SGCD: variants seen among roughly 807,000 people sequenced by gnomAD.
SGCD encodes sarcoglycan delta, also known as delta-sarcoglycan.
A neutral mutation model predicts 36.6 loss-of-function variants in SGCD; 18 were observed. That is an observed-to-expected ratio of 0.49 (90% CI 0.34 to 0.73). The LOEUF (loss-of-function observed/expected upper bound fraction) is 0.73, where lower values mean the gene tolerates loss of function less well. Among genes scored for constraint, SGCD ranks in the 30% least tolerant of loss-of-function variants. The probability of loss-of-function intolerance (pLI) is 0.01; values close to 1 mark genes in which losing one functional copy is unlikely to be tolerated. For missense variants in SGCD, 387 were observed against 346.7 expected (o/e 1.12, Z -0.92); for synonymous variants, 133 against 130.6 (o/e 1.02, Z -0.12).
chr5:155,768,838 C>T, the SGCD span, among the ~76,000 whole-genome samples: 1 of 152,092 alleles, frequency 6.6e-6, no homozygotes, highest in African/African-American at 2.4e-5. Flanking sequence ...AGGGTATGTC[C>T]TCGATGTCCT....
At chr5:155,890,285 G>A (rs961938194) in intron 1 of SGCD, among the ~76,000 whole-genome samples, 2 of 152,076 alleles carry the variant, frequency 1.3e-5, no homozygotes, top group African/African-American at 4.8e-5. Flanking sequence ...AAGCCTTAAG[G>A]GAAAAGAAAT....
chr5:156,123,733 A>C (rs1383659585), intron 2 of SGCD: 3 of 152,124 alleles, frequency 2.0e-5, no homozygotes, highest in Admixed American at 6.5e-5. Context: ...CAATTTTATG[A>C]CAAACAGAAT....
chr5:156,670,373 A>C (rs1284484851), intron 7 of SGCD, among the ~76,000 whole-genome samples: 1 of 152,210 alleles, frequency 6.6e-6, no homozygotes, highest in African/African-American at 2.4e-5. Flanking sequence ...CTTGATTAAA[A>C]TGTCAGCCAC....
At chr5:156,631,575 G>C (rs1762636061) in intron 6 of SGCD, among the ~76,000 whole-genome samples, 1 of 150,288 alleles carries the variant, frequency 6.7e-6, no homozygotes, top group Non-Finnish European at 1.5e-5. Context: ...TGTAGGGATA[G>C]AGGAAAAAAC....
At chr5:156,194,828 T>G (rs1763984903) in intron 3 of SGCD, among the ~76,000 whole-genome samples, 1 of 152,138 alleles carries the variant, frequency 6.6e-6, no homozygotes, top group Non-Finnish European at 1.5e-5. Flanking sequence ...ATGGCTCAGT[T>G]TCCTAATAGC....
At chr5:155,848,486 C>G in the SGCD span, among the ~76,000 whole-genome samples, 2 of 152,308 alleles carry the variant, frequency 1.3e-5, no homozygotes, top group South Asian at 2.1e-4. Context: ...GCTGCATTCT[C>G]TCTTCCAAAT....
intron 1 of SGCD, among the ~76,000 whole-genome samples, chr5:155,872,312 G>A (rs565724649): frequency 6.6e-6 from 1 of 150,814 alleles, no homozygotes; most frequent in East Asian, 2.0e-4. Context: ...CAATGCTCAG[G>A]ACACAATGCC....
chr5:156,178,864 C>T (rs1296755791), intron 3 of SGCD, among the ~76,000 whole-genome samples: 1 of 152,152 alleles, frequency 6.6e-6, no homozygotes, highest in Non-Finnish European at 1.5e-5. Flanking sequence ...CCGCGCCCAG[C>T]CTGAATGTAT....
chr5:156,504,392 G>GTATGTATATATATATA (rs1756602189), intron 3 of SGCD, among the ~76,000 whole-genome samples: 2 of 75,072 alleles, frequency 2.7e-5, no homozygotes, highest in African/African-American at 7.7e-5. Context: ...GTGTGTGTGT[G>GTATGTATATATATATA]TATATATATA....
At chr5:156,054,029 A>AG (rs1759991770) in intron 1 of SGCD, among the ~76,000 whole-genome samples, 1 of 145,804 alleles carries the variant, frequency 6.9e-6, no homozygotes, top group Admixed American at 6.9e-5. Context: ...AGTGTGAACC[A>AG]GGTTCCGATA....
intron 3 of SGCD, among the ~76,000 whole-genome samples, chr5:156,368,236 G>A (rs1289660768): frequency 2.0e-5 from 3 of 151,732 alleles, no homozygotes; most frequent in Admixed American, 6.6e-5. Flanking sequence ...GATTACAGGC[G>A]CCTGCCACCA....
the SGCD span, among the ~76,000 whole-genome samples, chr5:155,853,523 A>C: frequency 6.6e-6 from 1 of 152,182 alleles, no homozygotes; most frequent in Non-Finnish European, 1.5e-5. Flanking sequence ...AAAAACATTT[A>C]TTCTCAATTT....
chr5:155,927,412 C>T (rs1757013423), intron 1 of SGCD, among the ~76,000 whole-genome samples: 1 of 152,032 alleles, frequency 6.6e-6, no homozygotes, highest in Non-Finnish European at 1.5e-5. Context: ...AGAACACACA[C>T]CATGGAGAAC....
At chr5:156,417,978 A>G (rs1773130150) in intron 3 of SGCD, among the ~76,000 whole-genome samples, 1 of 152,124 alleles carries the variant, frequency 6.6e-6, no homozygotes, top group South Asian at 2.1e-4. Flanking sequence ...AATATTCAAG[A>G]TGGTTTGGGT....
At chr5:155,862,665 C>A in the SGCD span, among the ~76,000 whole-genome samples, 3,456 of 152,240 alleles carry the variant, frequency 0.023, 118 homozygotes, top group African/African-American at 0.078. Context: ...TTGAATGCAG[C>A]CTTGCTGTTC....
At chr5:155,811,304 C>CAAA in the SGCD span, among the ~76,000 whole-genome samples, 1 of 151,968 alleles carries the variant, frequency 6.6e-6, no homozygotes. Context: ...ACAACAACAA[C>CAAA]AAATTGTGGG....
intron 1 of SGCD, among the ~76,000 whole-genome samples, chr5:155,936,371 TC>T (rs1757202057): frequency 2.0e-5 from 3 of 152,192 alleles, no homozygotes; most frequent in Admixed American, 2.0e-4. Context: ...GATGGATAGC[TC>T]CTCTTTGCAG....
intron 1 of SGCD, among the ~76,000 whole-genome samples, chr5:156,094,773 C>T (rs144727063): frequency 4.3e-4 from 65 of 152,186 alleles, no homozygotes; most frequent in Non-Finnish European, 5.9e-4. Flanking sequence ...GAGGCCGAGG[C>T]GGGCAGATCA....
At chr5:155,990,257 C>A (rs192801998) in intron 1 of SGCD, among the ~76,000 whole-genome samples, 62 of 152,178 alleles carry the variant, frequency 4.1e-4, no homozygotes, top group African/African-American at 1.4e-3. Context: ...AAAAACATAC[C>A]TGTTTTATTT....
Sources: allele counts gnomAD v4.1 joint callset (sites outside exome capture counted in the v4.1 genomes callset), GRCh38; gene constraint gnomAD v4.1.1; transcripts MANE v1.5; gene names NCBI Gene and HGNC (gene_info 2026-07-23, HGNC 2026-07-21).